Variants in TTLL4 observed in about 807,000 individuals in gnomAD.
The protein encoded by TTLL4 is tubulin monoglutamylase TTLL4.
A neutral mutation model predicts 122.7 loss-of-function variants in TTLL4; 85 were observed. The observed-to-expected ratio is 0.69, with a 90% CI of 0.58 to 0.83. The LOEUF (loss-of-function observed/expected upper bound fraction) is 0.83. Ranked by LOEUF, TTLL4 falls within the 40% of genes least tolerant of loss-of-function variation. The pLI is 0.00. For missense variants in TTLL4, 1,363 were observed against 1,488.6 expected, an observed-to-expected ratio of 0.92 and a Z score of 1.39; for synonymous variants, 553 against 563.0, an observed-to-expected ratio of 0.98 and a Z score of 0.25.
Position 218,748,409 on chromosome 2 carries a change from C to CT in TTLL4, c.2501+185dup, listed in dbSNP as rs1942908302. The CT allele has an allele frequency of 3.1e-6, 3 of 958,240 alleles. No homozygotes were observed. The East Asian group carries it at 8.8e-5, about 28-fold the overall frequency. The allele number at this position is 958,240 out of a possible 1,614,324, so 59.4% of individuals were successfully genotyped here. A position where few individuals can be genotyped will look rare whatever the true frequency, so the allele number is the denominator to read the frequency against. On this transcript the variant is annotated intron_variant, in intron 12 of 19. Transcript: ENST00000392102. ...GTGGCTCACGCCTGTAATCCTAGCA[C>CT]TTTGGGAGGCCAAGGTGGGTGGATC...
chr2:218,752,677 G>A, intron 16 of TTLL4, 86 bp from the exon 17 acceptor site: 1 of 1,445,226 alleles, frequency 6.9e-7, no homozygotes. Context: ...CCCCAGGGGT[G>A]TGCTCCCTGT....
rs745812543 is a variant in TTLL4, at chr2:218,755,251, C to T, written c.*862C>T. The T allele has an allele frequency of 6.6e-6, 1 of 152,154 alleles. No individual in the cohort carries two copies. Among genetic ancestry groups the T allele is most frequent in the Non-Finnish European group, 1.5e-5 (1 of 68,078 alleles). 9.4% of individuals were successfully genotyped at this position (152,154 alleles called of 1,614,324 possible). On this transcript the variant is annotated 3_prime_UTR_variant, in exon 20 of 20. Transcript: ENST00000392102. ...CTATAGTGCAACAAACATGGTTTCT[C>T]AATGTTCTGCTGTGCAGCAAGCAGG...
chr2:218,746,940 T>C, intron 8 of TTLL4, 63 bp from the exon 9 acceptor site: 1 of 1,544,232 alleles, frequency 6.5e-7, no homozygotes, highest in Non-Finnish European at 8.8e-7. Flanking sequence ...GAATGAGTCT[T>C]GTCATCTTCC....
chr2:218,714,614 C>T (rs1015745866), intron 1 of TTLL4, among the ~76,000 whole-genome samples: 4 of 152,010 alleles, frequency 2.6e-5, no homozygotes. Flanking sequence ...TCGGAGCCCT[C>T]ATAGATATGC....
chr2:218,734,552 A>AT (rs1942463626), intron 2 of TTLL4, among the ~76,000 whole-genome samples: 1 of 152,140 alleles, frequency 6.6e-6, no homozygotes, highest in Non-Finnish European at 1.5e-5. Context: ...GTTGCAGCTG[A>AT]TTTTTTAAGT....
chr2:218,748,366 T>G, intron 12 of TTLL4, 139 bp downstream of exon 12: 1 of 1,335,630 alleles, frequency 7.5e-7, no homozygotes. Flanking sequence ...AGAATTGGTC[T>G]ATTTGAGGCC....
chr2:218,727,008 C>T (rs139709593), intron 1 of TTLL4, among the ~76,000 whole-genome samples: 3,800 of 151,692 alleles, frequency 0.025, 169 homozygotes, highest in African/African-American at 0.087. Context: ...GGGGTTTCAC[C>T]ATGTTGGTCA....
In TTLL4 at chr2:218,751,710, C is replaced by T; in HGVS notation, c.2880C>T (p.Pro960=). 6.2e-7 allele frequency: 1 copy of T among 1,612,702 alleles called. No homozygotes were observed. Among genetic ancestry groups the T allele is most frequent in the Non-Finnish European group, 8.5e-7 (1 of 1,179,118 alleles). ...SSCSSSTTSL[P]TSPGDKCRMA... is the part of the protein sequence containing the mutation. ...TTTCTGGCCTCTGCCGTAGCCTGCC[C>T]ACCTCCCCTGGGGACAAATGTCGAA... The change falls in exon 16 of 20, where the codon CCC becomes CCT. Residue 960 remains proline (P), a synonymous_variant. Coordinates refer to ENST00000392102, the MANE Select transcript of TTLL4 (RefSeq NM_014640.5).
rs559253084 is a variant in TTLL4 at position 218,743,877 on chromosome 2, C to T, written c.1662-1232C>T. 2.0e-5 allele frequency among the ~76,000 whole-genome samples: 3 copies of T among 152,186 alleles called. No individual in the cohort carries two copies. The South Asian group carries it at 6.2e-4, about 32-fold the overall frequency. On this transcript the variant is annotated intron_variant, in intron 5 of 19. Coordinates refer to ENST00000392102, the MANE Select transcript of TTLL4 (RefSeq NM_014640.5). The stretch of plus-strand genomic sequence containing the variant: ...TATTTTTAGTAGAGACGGGGTTTCC[C>T]CATGTTGGTCAGGCTGGTCTCCAAC...
rs376189820 is a variant in TTLL4, at chr2:218,747,223, A to G, written c.2166+29A>G. The G allele has an allele frequency of 5.2e-5, 84 of 1,614,132 alleles. No homozygotes were observed. The highest frequency in any genetic ancestry group is 1.6e-4 in the Middle Eastern group (1 of 6,062). On this transcript the variant is annotated intron_variant, in intron 9 of 19. Coordinates refer to ENST00000392102, the MANE Select transcript of TTLL4 (RefSeq NM_014640.5). This position sits in a 1 kb window ranked among gnomAD's most constrained non-coding sequence, Gnocchi z 4.7. The stretch of plus-strand genomic sequence containing the variant: ...AGTGAATCACAGTGGGCAGGAGACT[A>G]TGGTCTGTGAGTGGGAACAACAGAG...
Position 218,738,163 on chromosome 2 carries a change from A to G in TTLL4, c.487A>G (p.Thr163Ala), listed in dbSNP as rs1942585584. 1 of 1,614,028 alleles carries G rather than the reference A, an allele frequency of 6.2e-7. No homozygotes were observed. Among genetic ancestry groups the G allele is most frequent in the Non-Finnish European group, 8.5e-7 (1 of 1,180,014 alleles). ...LPVSLTANKA[T>A]SSMVFSMAQP... ...TGTCAGTCTCACTGCCAACAAGGCCACTTCTTCCATGGTCTTCTCCATGGC... is the reference window on the plus strand; with the variant it reads ...TGTCAGTCTCACTGCCAACAAGGCCGCTTCTTCCATGGTCTTCTCCATGGC... The change falls in exon 3 of 20, where the codon ACT (threonine) becomes GCT (alanine). Residue 163 changes from threonine to alanine, a missense_variant. Transcript: ENST00000392102.
intron 5 of TTLL4, among the ~76,000 whole-genome samples, chr2:218,742,665 A>G (rs1490791603): frequency 6.6e-6 from 1 of 152,190 alleles, no homozygotes; most frequent in African/African-American, 2.4e-5. Context: ...TGTTTTTTAA[A>G]TTAAGCTTGT....
intron 6 of TTLL4, 67 bp downstream of exon 6, chr2:218,745,300 G>A: frequency 6.2e-7 from 1 of 1,604,606 alleles, no homozygotes; most frequent in South Asian, 1.1e-5. Flanking sequence ...TAAGTTGGGA[G>A]GAGGTGGCAG....
rs1942662338 is a variant in TTLL4 at position 218,740,245 on chromosome 2, G to A, written c.1597+78G>A. ...GCAGGGGGCTGACAATTGTGTACTA[G>A]GTCCTTGACTCACATTACCTACATC... On this transcript the variant is annotated intron_variant, in intron 4 of 19. Transcript: ENST00000392102. 5 of 1,373,200 alleles carry A rather than the reference G, an allele frequency of 3.6e-6. No individual in the cohort carries two copies. The South Asian group carries it at 6.1e-5, about 17-fold the overall frequency. 85.1% of individuals were successfully genotyped at this position (1,373,200 alleles called of 1,614,324 possible). A position where few individuals can be genotyped will look rare whatever the true frequency, so the allele number is the denominator to read the frequency against.
chr2:218,740,035 G>C (rs1942653635), intron 3 of TTLL4, 23 bp from the exon 4 acceptor site: 1 of 1,606,504 alleles, frequency 6.2e-7, no homozygotes, highest in Non-Finnish European at 8.5e-7. Context: ...TGACTAGGCT[G>C]GGGGCATGAT....
chr2:218,754,569 A>T lies in TTLL4; in HGVS notation c.*180A>T, dbSNP rs926457774. On this transcript the variant is annotated 3_prime_UTR_variant, in exon 20 of 20. Transcript: ENST00000392102. ...TTGTAGGGCCGGAGGGATGGTAGTG[A>T]TGGGGAGAAGGTGAGGAAGGGTCAC... 2 of 831,214 alleles carry T rather than the reference A, an allele frequency of 2.4e-6. No homozygotes were observed. The highest frequency in any genetic ancestry group is 3.6e-6 in the Non-Finnish European group (2 of 549,216). 51.5% of individuals were successfully genotyped at this position (831,214 alleles called of 1,614,324 possible). A position where few individuals can be genotyped will look rare whatever the true frequency, so the allele number is the denominator to read the frequency against.
chr2:218,725,473 TAAAG>T (rs1331900733), intron 1 of TTLL4, among the ~76,000 whole-genome samples: 3 of 151,928 alleles, frequency 2.0e-5, no homozygotes, highest in Admixed American at 6.6e-5. Flanking sequence ...AGTGAACAAA[TAAAG>T]AACCATAAAA....
chr2:218,738,442 G>A lies in TTLL4; in HGVS notation c.766G>A (p.Gly256Arg). Reference sequence around the variant, plus strand: ...CCAGCCTGTCTCCTGGCATCATTCAGGGGGTACTGGAGACTGTGCACCGCA... The same window carrying A: ...CCAGCCTGTCTCCTGGCATCATTCAAGGGGTACTGGAGACTGTGCACCGCA... ...KIQPVSWHHSGGTGDCAPQPV... is the reference protein window; with the variant it reads ...KIQPVSWHHSRGTGDCAPQPV... Residue 256 changes from glycine to arginine, a missense_variant, in exon 3 of 20, where the codon GGG (glycine) becomes AGG (arginine). By Grantham distance (125) the Gly-to-Arg change is moderately radical. Around this residue, in one of 3 missense-constraint regions of TTLL4, gnomAD observed 760 missense variants for 808.4 expected, o/e 0.94. Coordinates refer to ENST00000392102, the MANE Select transcript of TTLL4 (RefSeq NM_014640.5). 1 of 1,614,184 alleles carries A rather than the reference G, an allele frequency of 6.2e-7. No individual in the cohort carries two copies. The highest frequency in any genetic ancestry group is 8.5e-7 in the Non-Finnish European group (1 of 1,180,028).
rs1405854008 is a variant in TTLL4 at position 218,754,254 on chromosome 2, T to C, written c.3465T>C (p.Ser1155=). The C allele has an allele frequency of 6.2e-7, 1 of 1,614,174 alleles. No individual in the cohort carries two copies. The highest frequency in any genetic ancestry group is 1.1e-5 in the South Asian group (1 of 91,076). The change falls in exon 20 of 20, where the codon AGT becomes AGC. Residue 1155 remains serine (S), a synonymous_variant. Transcript: ENST00000392102. The part of the protein sequence containing the change: ...YPQKPSSSKD[S]EDTSKEPSLS... ...AGAAACCCAGTTCCTCAAAGGACAGTGAGGACACCAGCAAAGAGCCCAGCC... is the reference window on the plus strand; with the variant it reads ...AGAAACCCAGTTCCTCAAAGGACAGCGAGGACACCAGCAAAGAGCCCAGCC...
Sources: allele counts gnomAD v4.1 joint callset (sites outside exome capture counted in the v4.1 genomes callset), GRCh38; gene constraint gnomAD v4.1.1; regional missense constraint gnomAD v4.1.1; non-coding constraint Gnocchi (gnomAD v3.1); transcripts MANE v1.5; gene names NCBI Gene and HGNC (gene_info 2026-07-23, HGNC 2026-07-21).